The following STX10 variants were observed in gnomAD, a reference collection of about 807,000 sequenced individuals.
The protein encoded by STX10 is syntaxin-10.
STX10 carries 35 observed loss-of-function variants against 34.1 expected under a neutral mutation model. That is an observed-to-expected ratio of 1.03 (90% confidence interval 0.78 to 1.36). STX10 has a LOEUF of 1.36. STX10 is among the 40% of genes most tolerant of loss of function. The pLI, the probability that STX10 is intolerant of heterozygous loss-of-function variation, is 0.00. For missense variants in STX10, 361 were observed against 335.5 expected (o/e 1.08, Z -0.59); for synonymous variants, 155 against 132.9 (o/e 1.17, Z -1.15).
chr19:13,148,975 T>A, intron 4 of STX10, 54 bp downstream of exon 4: 1 of 1,484,508 alleles, frequency 6.7e-7, no homozygotes, highest in South Asian at 1.2e-5. Flanking sequence ...CAGAGGGATC[T>A]GGCTTGGTTA....
Position 13,144,219 on chromosome 19 carries a change from G to A in STX10, c.*191C>T. 1.4e-6 allele frequency: 1 copy of A among 713,224 alleles called. No individual in the cohort carries two copies. The allele number at this position is 713,224 out of a possible 1,614,324, so 44.2% of individuals were successfully genotyped here. Reference sequence around the variant, plus strand: ...TGCACTTGAGACAGGACCAGTGGTGGTGGTTCCAGCCCAGGGTCCTGAAGG... The same window carrying A: ...TGCACTTGAGACAGGACCAGTGGTGATGGTTCCAGCCCAGGGTCCTGAAGG... On this transcript the variant is annotated 3_prime_UTR_variant, in exon 8 of 8. Coordinates refer to ENST00000587230, the MANE Select transcript of STX10 (RefSeq NM_003765.3).
chr19:13,150,266 G>C lies in STX10; in HGVS notation c.-93C>G. 1 of 657,316 alleles carries C rather than the reference G, an allele frequency of 1.5e-6. No homozygotes were observed. The highest frequency in any genetic ancestry group is 2.6e-5 in the Admixed American group (1 of 39,214). The allele number at this position is 657,316 out of a possible 1,614,324, so 40.7% of individuals were successfully genotyped here. A position where few individuals can be genotyped will look rare whatever the true frequency, so the allele number is the denominator to read the frequency against. Reference sequence around the variant, plus strand: ...CCGAGGAGAACGCGCCGCCACCCCCGCCCCCGTCACGCCACCATCGAGAGC... The same window carrying C: ...CCGAGGAGAACGCGCCGCCACCCCCCCCCCCGTCACGCCACCATCGAGAGC... On this transcript the variant is annotated 5_prime_UTR_variant, in exon 1 of 8. Coordinates refer to ENST00000587230, the MANE Select transcript of STX10 (RefSeq NM_003765.3). The surrounding 1 kb of genome is among the most constrained non-coding windows in gnomAD (Gnocchi z 4.0).
At chr19:13,144,924 C>T (rs557599062) in intron 5 of STX10, 54 bp from the exon 6 acceptor site, 16 of 1,508,804 alleles carry the variant, frequency 1.1e-5, no homozygotes, top group Admixed American at 5.7e-5. Context: ...GAAGGCCAGG[C>T]GCTATGGCTT....
At chr19:13,147,199 C>T (rs2019920310) in intron 4 of STX10, among the ~76,000 whole-genome samples, 1 of 151,728 alleles carries the variant, frequency 6.6e-6, no homozygotes. Flanking sequence ...GTGCACGCAC[C>T]CAAATAGGTT....
At chr19:13,146,511 A>G (rs1169767168) in intron 4 of STX10, among the ~76,000 whole-genome samples, 1 of 151,698 alleles carries the variant, frequency 6.6e-6, no homozygotes, top group Non-Finnish European at 1.5e-5. Context: ...CTGGGATTAC[A>G]GGCGTGAGCT....
At position 13,150,214 on chromosome 19, in the gene STX10, TG is replaced by T; in HGVS notation, c.-42del. 1 of 767,104 alleles carries T rather than the reference TG, an allele frequency of 1.3e-6. No homozygotes were observed. The highest frequency in any genetic ancestry group is 2.2e-6 in the Non-Finnish European group (1 of 446,580). The allele number at this position is 767,104 out of a possible 1,614,324, so 47.5% of individuals were successfully genotyped here. On this transcript the variant is annotated 5_prime_UTR_variant, in exon 1 of 8. Transcript: ENST00000587230. The surrounding 1 kb of genome is among the most constrained non-coding windows in gnomAD (Gnocchi z 4.0). ...CCCAGGCCGAACCCCCCTCCCGGCC[TG>T]GGTTCGCGGGCTGGTTCCCTCCCAA...
chr19:13,149,649 G>A (rs1482564378), intron 2 of STX10, 56 bp from the exon 3 acceptor site: 1 of 1,610,574 alleles, frequency 6.2e-7, no homozygotes, highest in South Asian at 1.1e-5. Flanking sequence ...CGTCCCTAGG[G>A]GTCCAGCCCT....
chr19:13,150,045 TGCCCAGCCCGCCGGGCACGCTGG>T lies in STX10; in HGVS notation c.35+71_35+93del. The T allele has an allele frequency of 7.9e-7, 1 of 1,262,328 alleles. No homozygotes were observed. 78.2% of individuals were successfully genotyped at this position (1,262,328 alleles called of 1,614,324 possible). A position where few individuals can be genotyped will look rare whatever the true frequency, so the allele number is the denominator to read the frequency against. On this transcript the variant is annotated intron_variant, in intron 1 of 7. Coordinates refer to ENST00000587230, the MANE Select transcript of STX10 (RefSeq NM_003765.3). This position sits in a 1 kb window ranked among gnomAD's most constrained non-coding sequence, Gnocchi z 4.0. Reference sequence around the variant, plus strand: ...CTCCCACTCTGCACCCCGACGGCCTTGCCCAGCCCGCCGGGCACGCTGGGGCCGGCACCCGGGCACTGGCTGGC... The same window carrying T: ...CTCCCACTCTGCACCCCGACGGCCTTGGCCGGCACCCGGGCACTGGCTGGC...
rs572000702 is a variant in STX10, at chr19:13,147,702, G to C, written c.363+1327C>G. Among the ~76,000 whole-genome samples the C allele has an allele frequency of 2.0e-5, 3 of 151,794 alleles. No homozygotes were observed. In the South Asian group the frequency reaches 6.3e-4, roughly 32 times the overall value. ...TCACGAGGTCAAGAGTTCAAGACCA[G>C]CCTGGCCAAGATGTTGAAGCCCCGT... On this transcript the variant is annotated intron_variant, in intron 4 of 7. Transcript: ENST00000587230.
chr19:13,149,182 C>A, intron 3 of STX10, 91 bp from the exon 4 acceptor site: 3 of 1,162,072 alleles, frequency 2.6e-6, no homozygotes, highest in Non-Finnish European at 3.8e-6. Context: ...GAGACCAAGC[C>A]GGGTGGATCA....
chr19:13,147,011 T>C (rs1361422875), intron 4 of STX10, among the ~76,000 whole-genome samples: 1 of 147,936 alleles, frequency 6.8e-6, no homozygotes, highest in African/African-American at 2.5e-5. Flanking sequence ...TCTCAACATA[T>C]GAAAAATATC....
chr19:13,149,114 G>T, intron 3 of STX10, 23 bp from the exon 4 acceptor site: 1 of 1,578,314 alleles, frequency 6.3e-7, no homozygotes. Flanking sequence ...ACAGCATTAG[G>T]GAGGAAAGAC....
rs766778813 is a variant in STX10, at chr19:13,144,440, G to A, written c.720C>T (p.Leu240=). ...GAGAGAATAGTAAGATGAGAACGAG[G>A]AGAAGCACCCCCACTAGCACGGCGA... ...CAIAVLVGVL[L]LVLILLFSL The change falls in exon 8 of 8, where the codon CTC becomes CTT. Residue 240 remains leucine (L), a synonymous_variant. Coordinates refer to ENST00000587230, the MANE Select transcript of STX10 (RefSeq NM_003765.3). The A allele has an allele frequency of 1.2e-6, 2 of 1,612,682 alleles. No homozygotes were observed. Among genetic ancestry groups the A allele is most frequent in the South Asian group, 1.1e-5 (1 of 90,658 alleles).
chr19:13,148,933 G>A lies in STX10; in HGVS notation c.363+96C>T, dbSNP rs1462472769. On this transcript the variant is annotated intron_variant, in intron 4 of 7. Transcript: ENST00000587230. ...AGATAACTGCCCACAGAGAGGACGGGCACTGTCGCAAAAGGGACAGGTGAA... is the reference window on the plus strand; with the variant it reads ...AGATAACTGCCCACAGAGAGGACGGACACTGTCGCAAAAGGGACAGGTGAA... The A allele has an allele frequency of 1.0e-5, 10 of 993,238 alleles. No homozygotes were observed. The East Asian group carries it at 1.6e-4, about 16-fold the overall frequency. The allele number at this position is 993,238 out of a possible 1,614,324, so 61.5% of individuals were successfully genotyped here.
At chr19:13,145,895 G>A (rs980517166) in intron 4 of STX10, among the ~76,000 whole-genome samples, 2 of 151,812 alleles carry the variant, frequency 1.3e-5, no homozygotes, top group African/African-American at 4.8e-5. Context: ...TTGGTGGCGG[G>A]TGCCTGTAAT....
At chr19:13,144,723 G>A (rs1600013035) in intron 6 of STX10, 41 bp downstream of exon 6, 6 of 1,612,844 alleles carry the variant, frequency 3.7e-6, no homozygotes, top group Non-Finnish European at 4.2e-6. Flanking sequence ...ACACCAGGGT[G>A]GCCGAGAGCC....
At chr19:13,147,618 G>A (rs1268544848) in intron 4 of STX10, among the ~76,000 whole-genome samples, 1 of 152,004 alleles carries the variant, frequency 6.6e-6, no homozygotes, top group Non-Finnish European at 1.5e-5. Flanking sequence ...ACAAAAATTG[G>A]CCGGGCGTGG....
chr19:13,147,646 C>T (rs936372442), intron 4 of STX10, among the ~76,000 whole-genome samples: 1 of 151,364 alleles, frequency 6.6e-6, no homozygotes, highest in Admixed American at 6.6e-5. Flanking sequence ...CACCTGTAAT[C>T]CCAGCACTTT....
intron 4 of STX10, among the ~76,000 whole-genome samples, chr19:13,148,084 A>AG (rs1303222516): frequency 9.6e-5 from 14 of 146,394 alleles, no homozygotes; most frequent in Admixed American, 4.1e-4. Flanking sequence ...AAAAAAAAAA[A>AG]AAAAGGAAGT....
Sources: allele counts gnomAD v4.1 joint callset (sites outside exome capture counted in the v4.1 genomes callset), GRCh38; gene constraint gnomAD v4.1.1; non-coding constraint Gnocchi (gnomAD v3.1); transcripts MANE v1.5; gene names NCBI Gene and HGNC (gene_info 2026-07-23, HGNC 2026-07-21).